PCDHGB6: variants seen among roughly 807,000 people sequenced by gnomAD.
PCDHGB6 encodes the protein protocadherin gamma subfamily B, 6.
PCDHGB6 carries 51 observed loss-of-function variants against 59.1 expected under a neutral mutation model. The ratio of observed to expected loss-of-function variants is 0.86; its 90% CI spans 0.69 to 1.09. PCDHGB6 has a LOEUF of 1.09. PCDHGB6 is among the 50% of genes least tolerant of loss of function. The probability of loss-of-function intolerance (pLI) is 0.00; values close to 1 mark genes in which losing one functional copy is unlikely to be tolerated. For synonymous variants in PCDHGB6, 466 were observed against 495.1 expected (o/e 0.94, Z 0.78); for missense variants, 1,148 against 1,205.1 (o/e 0.95, Z 0.70).
chr5:141,409,317 G>A lies in PCDHGB6; in HGVS notation c.1115G>A (p.Arg372Gln). 1.2e-6 allele frequency: 2 copies of A among 1,613,940 alleles called. No individual in the cohort carries two copies. The highest frequency in any genetic ancestry group is 1.7e-6 in the Non-Finnish European group (2 of 1,179,892). The change falls in exon 1 of 4, where the codon CGG (arginine) becomes CAG (glutamine). Residue 372 changes from arginine to glutamine, a missense_variant. By Grantham distance (43) the Arg-to-Gln change is conservative. Transcript: ENST00000520790. ...ATGGTTGTTGCCCTCTTCAAAACAC[G>A]GGATCTGGATTTCGGAGGAAATGGA... ...PGMVVALFKT[R>Q]DLDFGGNGEV...
chr5:141,421,965 C>T (rs775450008), intron 1 of PCDHGB6: 3 of 1,610,242 alleles, frequency 1.9e-6, no homozygotes, highest in Non-Finnish European at 2.5e-6. Context: ...TTACACAGTC[C>T]GTATATCGCG....
chr5:141,448,329 A>T (rs1166759766), intron 1 of PCDHGB6, among the ~76,000 whole-genome samples: 1 of 152,146 alleles, frequency 6.6e-6, no homozygotes, highest in Non-Finnish European at 1.5e-5. Context: ...TTGAATCTTT[A>T]TAGCCATGTA....
intron 1 of PCDHGB6, among the ~76,000 whole-genome samples, chr5:141,475,231 G>A (rs1188161872): frequency 6.6e-6 from 1 of 152,190 alleles, no homozygotes; most frequent in Admixed American, 6.5e-5. Flanking sequence ...AAAGGGAAAC[G>A]ATAGAGAGAG....
chr5:141,456,072 T>C (rs1349808406), intron 1 of PCDHGB6, among the ~76,000 whole-genome samples: 2 of 151,950 alleles, frequency 1.3e-5, no homozygotes, highest in Non-Finnish European at 2.9e-5. Flanking sequence ...TAATTTTTTG[T>C]ATTTTCAGTA....
At position 141,511,516 on chromosome 5, in the gene PCDHGB6, T is replaced by A. The variant is rs2099883825; in HGVS notation, c.*343T>A. ...CTTCCAAATCAATCAGGCCCATCCA[T>A]CCCATGCCTCCCTCCTCCCCACCCC... is the stretch of plus-strand genomic sequence containing the variant. On this transcript the variant is annotated 3_prime_UTR_variant, in exon 4 of 4. Transcript: ENST00000520790. 1 of 365,020 alleles carries A rather than the reference T, an allele frequency of 2.7e-6. No individual in the cohort carries two copies. Among genetic ancestry groups the A allele is most frequent in the Admixed American group, 4.0e-5 (1 of 25,162 alleles). The allele number at this position is 365,020 out of a possible 1,614,324, so 22.6% of individuals were successfully genotyped here.
chr5:141,413,711 A>G (rs752076648), intron 1 of PCDHGB6: 199 of 1,613,564 alleles, frequency 1.2e-4, no homozygotes, highest in Non-Finnish European at 1.4e-4. Context: ...CTCAGCCCCA[A>G]TAAGCACTTC....
At chr5:141,510,334 C>G (rs1463634534) in intron 3 of PCDHGB6, among the ~76,000 whole-genome samples, 1 of 151,448 alleles carries the variant, frequency 6.6e-6, no homozygotes, top group African/African-American at 2.4e-5. Context: ...TCTTCACCCC[C>G]ACCCCACACA....
At position 141,487,915 on chromosome 5, in the gene PCDHGB6, G is replaced by T; in HGVS notation, c.2419-6892G>T. The T allele has an allele frequency of 1.5e-6, 1 of 655,128 alleles. No homozygotes were observed. Among genetic ancestry groups the T allele is most frequent in the Middle Eastern group, 3.5e-4 (1 of 2,862 alleles). The allele number at this position is 655,128 out of a possible 1,614,324, so 40.6% of individuals were successfully genotyped here. ...GATGATGGAATGTGGGAGCACAGGA[G>T]GCTACAGTGCACAGGGTACAGTGCA... On this transcript the variant is annotated intron_variant, in intron 1 of 3. Coordinates refer to ENST00000520790, the MANE Select transcript of PCDHGB6 (RefSeq NM_018926.3). This position sits in a 1 kb window ranked among gnomAD's most constrained non-coding sequence, Gnocchi z 5.0.
At chr5:141,434,427 G>A (rs2097693282) in intron 1 of PCDHGB6, among the ~76,000 whole-genome samples, 1 of 152,216 alleles carries the variant, frequency 6.6e-6, no homozygotes, top group African/African-American at 2.4e-5. Context: ...GTTCATGATG[G>A]CCGTAATGCC....
At chr5:141,427,599 C>T (rs1233253295) in intron 1 of PCDHGB6, 3 of 682,980 alleles carry the variant, frequency 4.4e-6, no homozygotes, top group South Asian at 3.0e-5. Flanking sequence ...CCTCACCCTA[C>T]GCATTGGTGA....
At position 141,490,502 on chromosome 5, in the gene PCDHGB6, T is replaced by C. The variant is rs1408615048; in HGVS notation, c.2419-4305T>C. On this transcript the variant is annotated intron_variant, in intron 1 of 3. Transcript: ENST00000520790. The surrounding 1 kb of genome is among the most constrained non-coding windows in gnomAD (Gnocchi z 5.4). Reference sequence around the variant, plus strand: ...GACCGGGAGGCCACATCCCACTATATCATCGAGCTGCTGGCCAGCGATGCT... The same window carrying C: ...GACCGGGAGGCCACATCCCACTATACCATCGAGCTGCTGGCCAGCGATGCT... 1.2e-6 allele frequency: 2 copies of C among 1,614,094 alleles called. No individual in the cohort carries two copies. The highest frequency in any genetic ancestry group is 1.1e-5 in the South Asian group (1 of 91,076).
intron 1 of PCDHGB6, chr5:141,433,247 G>A (rs1393219042): frequency 2.8e-6 from 4 of 1,447,840 alleles, no homozygotes; most frequent in Non-Finnish European, 3.8e-6. Context: ...AAGCTGGAAT[G>A]CAGCGGTACG....
chr5:141,452,888 C>T (rs62379168), intron 1 of PCDHGB6, among the ~76,000 whole-genome samples: 13,856 of 152,130 alleles, frequency 0.091, 849 homozygotes, highest in African/African-American at 0.17. Flanking sequence ...TAATTTATTC[C>T]ACTTTTATTA....
chr5:141,489,943 A>G lies in PCDHGB6; in HGVS notation c.2419-4864A>G. ...CCTTATCTCTGTCATCGTGCTGGAC[A>G]TCAATGATAATGCTCCAACCTTCCA... On this transcript the variant is annotated intron_variant, in intron 1 of 3. Transcript: ENST00000520790. The surrounding 1 kb of genome is among the most constrained non-coding windows in gnomAD (Gnocchi z 4.5). 5.6e-6 allele frequency: 9 copies of G among 1,614,190 alleles called. No homozygotes were observed. Among genetic ancestry groups the G allele is most frequent in the Non-Finnish European group, 7.6e-6 (9 of 1,180,016 alleles).
chr5:141,439,190 CA>C (rs200519543), intron 1 of PCDHGB6, among the ~76,000 whole-genome samples: 2,445 of 111,432 alleles, frequency 0.022, 39 homozygotes, highest in African/African-American at 0.057. Flanking sequence ...GAGACTCTGA[CA>C]AAAAAAAAAA....
chr5:141,496,338 G>A (rs1011495959), intron 2 of PCDHGB6, among the ~76,000 whole-genome samples: 5 of 152,230 alleles, frequency 3.3e-5, no homozygotes, highest in African/African-American at 9.6e-5. Flanking sequence ...TCAGGAGCCT[G>A]GAGGAGTCTC....
intron 1 of PCDHGB6, among the ~76,000 whole-genome samples, chr5:141,433,399 CTA>C (rs1491097109): frequency 1.1e-4 from 17 of 150,894 alleles, no homozygotes; most frequent in African/African-American, 4.1e-4. Context: ...ATCTATCTAT[CTA>C]TCTATTACTT....
intron 1 of PCDHGB6, chr5:141,421,719 C>T (rs2096595246): frequency 6.2e-7 from 1 of 1,613,942 alleles, no homozygotes; most frequent in Non-Finnish European, 8.5e-7. Flanking sequence ...CAGATGTGGG[C>T]GTGAACTCCC....
chr5:141,409,164 C>G lies in PCDHGB6; in HGVS notation c.962C>G (p.Ala321Gly), dbSNP rs115772303. The change falls in exon 1 of 4, where the codon GCG (alanine) becomes GGG (glycine). Residue 321 changes from alanine (A) to glycine (G), a missense_variant. Physicochemically the swap from Ala to Gly is moderately conservative, Grantham distance 60. Transcript: ENST00000520790. Reference protein sequence around the residue: ...DVERYTMEVEAKDGGGLSTQC... With the variant: ...DVERYTMEVEGKDGGGLSTQC... ...GAAAGGTACACCATGGAAGTGGAAGCGAAGGACGGAGGTGGTCTCTCTACC... is the reference window on the plus strand; with the variant it reads ...GAAAGGTACACCATGGAAGTGGAAGGGAAGGACGGAGGTGGTCTCTCTACC... The G allele has an allele frequency of 1.1e-5, 18 of 1,613,792 alleles. No homozygotes were observed. Among genetic ancestry groups the G allele is most frequent in the Non-Finnish European group, 1.4e-5 (16 of 1,179,892 alleles).
Sources: allele counts gnomAD v4.1 joint callset (sites outside exome capture counted in the v4.1 genomes callset), GRCh38; gene constraint gnomAD v4.1.1; non-coding constraint Gnocchi (gnomAD v3.1); transcripts MANE v1.5; gene names NCBI Gene and HGNC (gene_info 2026-07-23, HGNC 2026-07-21).